Variants in FBXO31 observed in about 807,000 individuals in gnomAD.
FBXO31 encodes F-box protein 31.
Under a neutral mutation model 54.4 loss-of-function variants are expected in FBXO31, and 24 were observed. That is an observed-to-expected ratio of 0.44 (90% CI 0.32 to 0.62). The LOEUF (loss-of-function observed/expected upper bound fraction) is 0.62. Ranked by LOEUF, FBXO31 falls within the 20% of genes least tolerant of loss-of-function variation. The probability of loss-of-function intolerance (pLI) is 0.05; values close to 1 mark genes in which losing one functional copy is unlikely to be tolerated. For synonymous variants in FBXO31, 388 were observed against 335.6 expected (o/e 1.16, Z -1.71); for missense variants, 665 against 787.1 (o/e 0.84, Z 1.86).
At chr16:87,377,220 G>A (rs34704026) in intron 1 of FBXO31, among the ~76,000 whole-genome samples, 15,599 of 152,234 alleles carry the variant, frequency 0.1, 1,269 homozygotes, top group South Asian at 0.34. Context: ...CGAGGCGGGC[G>A]GACCACTTGA....
chr16:87,348,263 G>C (rs1044009094), intron 2 of FBXO31, among the ~76,000 whole-genome samples: 1 of 152,148 alleles, frequency 6.6e-6, no homozygotes, highest in African/African-American at 2.4e-5. Flanking sequence ...CAGCCTCCCA[G>C]GTCAGCCCAG....
At chr16:87,363,475 G>A (rs764204110) in intron 1 of FBXO31, among the ~76,000 whole-genome samples, 2 of 152,172 alleles carry the variant, frequency 1.3e-5, no homozygotes, top group South Asian at 2.1e-4. Context: ...GGCATCTGAG[G>A]CTTGCCTGCC....
At position 87,346,298 on chromosome 16, in the gene FBXO31, C is replaced by A. The variant is rs531231291; in HGVS notation, c.489+876G>T. On this transcript the variant is annotated intron_variant, in intron 3 of 8. Coordinates refer to ENST00000311635, the MANE Select transcript of FBXO31 (RefSeq NM_024735.5). The surrounding 1 kb of genome is among the most constrained non-coding windows in gnomAD (Gnocchi z 4.2). ...GAGGAGACCAGGCCACGGCACCCAGCAAGTGCCCAGGCGCACAGTGAGGGG... is the reference window on the plus strand; with the variant it reads ...GAGGAGACCAGGCCACGGCACCCAGAAAGTGCCCAGGCGCACAGTGAGGGG... 2.6e-5 allele frequency among the ~76,000 whole-genome samples: 4 copies of A among 151,878 alleles called. No homozygotes were observed. In the South Asian group the frequency reaches 8.3e-4, roughly 32 times the overall value.
rs756439061 is a variant in FBXO31 at position 87,343,630 on chromosome 16, C to T, written c.625G>A (p.Gly209Ser). The stretch of plus-strand genomic sequence containing the variant: ...TGGCCGTGGTGGGGCCCTTTGTGGC[C>T]GTACATGCACTCCACTGTGGCAGCC... The part of the protein sequence containing the change: ...RKAATVECMY[G>S]HKGPHHGHIQ... The change falls in exon 4 of 9, where the codon GGC becomes AGC. Residue 209 changes from glycine to serine, a missense_variant. Physicochemically the swap from Gly to Ser is moderately conservative, Grantham distance 56. Coordinates refer to ENST00000311635, the MANE Select transcript of FBXO31 (RefSeq NM_024735.5). The T allele has an allele frequency of 1.2e-6, 2 of 1,612,832 alleles. No homozygotes were observed. Among genetic ancestry groups the T allele is most frequent in the Non-Finnish European group, 1.7e-6 (2 of 1,179,564 alleles).
intron 1 of FBXO31, among the ~76,000 whole-genome samples, chr16:87,375,278 G>A (rs1906775075): frequency 6.6e-6 from 1 of 152,152 alleles, no homozygotes; most frequent in African/African-American, 2.4e-5. Context: ...CTGCACTCCA[G>A]CCTGGGTGAC....
intron 2 of FBXO31, among the ~76,000 whole-genome samples, chr16:87,355,793 C>T (rs895714114): frequency 1.3e-5 from 2 of 152,174 alleles, no homozygotes; most frequent in South Asian, 4.1e-4. Context: ...CTACATGAAG[C>T]TTCCCTCCAC....
In FBXO31 at chr16:87,343,563, G is replaced by A. The variant is rs1327296250; in HGVS notation, c.657+35C>T. The A allele has an allele frequency of 3.8e-6, 6 of 1,564,658 alleles. No homozygotes were observed. The South Asian group carries it at 7.0e-5, about 18-fold the overall frequency. On this transcript the variant is annotated intron_variant, in intron 4 of 8. Coordinates refer to ENST00000311635, the MANE Select transcript of FBXO31 (RefSeq NM_024735.5). ...CTGGAGCCCACACAGGACAGCCCTGGGACAGTGAGGACCCAGCCCCGCCGC... is the reference window on the plus strand; with the variant it reads ...CTGGAGCCCACACAGGACAGCCCTGAGACAGTGAGGACCCAGCCCCGCCGC...
In FBXO31 at chr16:87,333,981, G is replaced by A. The variant is rs371979866; in HGVS notation, c.1302C>T (p.Ala434=). 265 of 1,612,794 alleles carry A rather than the reference G, an allele frequency of 1.6e-4. 3 individuals carry two copies. The highest frequency in any genetic ancestry group is 2.0e-4 in the Non-Finnish European group (232 of 1,179,822). ...GGEPGDAVAA[A]EQPAQCGQGQ... The stretch of plus-strand genomic sequence containing the variant: ...CCTGCCCACACTGGGCAGGCTGCTC[G>A]GCCGCAGCTACGGCATCCCCAGGCT... Residue 434 remains alanine (A), a synonymous_variant, in exon 8 of 9, where the codon GCC becomes GCT. Coordinates refer to ENST00000311635, the MANE Select transcript of FBXO31 (RefSeq NM_024735.5).
chr16:87,379,015 G>A lies in FBXO31; in HGVS notation c.340+4390C>T, dbSNP rs1207198848. ...TATAGACATAGATATAGATATATAT[G>A]TATCCAAAGATATGAGAGTTCACTG... On this transcript the variant is annotated intron_variant, in intron 1 of 8. Coordinates refer to ENST00000311635, the MANE Select transcript of FBXO31 (RefSeq NM_024735.5). 6.6e-5 allele frequency among the ~76,000 whole-genome samples: 10 copies of A among 151,710 alleles called. No individual in the cohort carries two copies. In the East Asian group the frequency reaches 1.5e-3, roughly 23 times the overall value.
chr16:87,383,698 C>T lies in FBXO31; in HGVS notation c.47G>A (p.Cys16Tyr), dbSNP rs1221687070. The change falls in exon 1 of 9, where the codon TGT becomes TAT. Residue 16 changes from cysteine to tyrosine, a missense_variant. This residue lies in a region of FBXO31 where 195 missense variants were observed against 174.8 expected (regional missense o/e 1.12). Transcript: ENST00000311635. This position sits in a 1 kb window ranked among gnomAD's most constrained non-coding sequence, Gnocchi z 4.9. ...RLCGVGPSRG[C>Y]RRRQQRRGPA... ...GCCCCGGCGCTGCTGGCGGCGCCGA[C>T]ATCCGCGCGACGGGCCCACGCCGCA... The T allele has an allele frequency of 7.9e-7, 1 of 1,268,944 alleles. No homozygotes were observed. The highest frequency in any genetic ancestry group is 9.9e-7 in the Non-Finnish European group (1 of 1,014,294). The allele number at this position is 1,268,944 out of a possible 1,614,324, so 78.6% of individuals were successfully genotyped here.
chr16:87,339,125 G>A (rs1007884760), intron 5 of FBXO31, among the ~76,000 whole-genome samples: 7 of 152,228 alleles, frequency 4.6e-5, no homozygotes, highest in Non-Finnish European at 1.0e-4. Context: ...TCTTGGGTAT[G>A]TCTTTATCAG....
intron 1 of FBXO31, among the ~76,000 whole-genome samples, chr16:87,380,801 A>T (rs753884265): frequency 1.3e-5 from 2 of 152,234 alleles, no homozygotes; most frequent in Non-Finnish European, 1.5e-5. Context: ...GAAGGGTCCT[A>T]TATCTGTCCC....
intron 1 of FBXO31, among the ~76,000 whole-genome samples, chr16:87,381,738 C>T (rs559207624): frequency 3.3e-5 from 5 of 152,172 alleles, no homozygotes; most frequent in Non-Finnish European, 7.3e-5. Flanking sequence ...GGAACTGCAC[C>T]CTACCAGCCA....
exon 1 of FBXO31, chr16:87,389,804 T>G (rs1597385404): frequency 6.6e-6 from 1 of 152,340 alleles, no homozygotes; most frequent in East Asian, 1.9e-4. Flanking sequence ...AACGCTGTCC[T>G]AGATCATGTG....
At chr16:87,344,194 G>T (rs1202709552) in intron 3 of FBXO31, among the ~76,000 whole-genome samples, 2 of 152,274 alleles carry the variant, frequency 1.3e-5, no homozygotes, top group African/African-American at 4.8e-5. Flanking sequence ...GTGTGGCAGT[G>T]ACACGGAGAT....
Position 87,365,001 on chromosome 16 carries a change from C to T in FBXO31, c.341-4635G>A, listed in dbSNP as rs549300174. Among the ~76,000 whole-genome samples, 11 of 34,916 alleles carry T rather than the reference C, an allele frequency of 3.2e-4. No homozygotes were observed. In the South Asian group the frequency reaches 0.018, roughly 57 times the overall value. 22.9% of individuals were successfully genotyped at this position (34,916 alleles called of 152,430 possible). A position where few individuals can be genotyped will look rare whatever the true frequency, so the allele number is the denominator to read the frequency against. ...CAGCCTGAGTGACAGAGCGAGACCC[C>T]GTCTCTTAAATATATATATATATAT... On this transcript the variant is annotated intron_variant, in intron 1 of 8. Coordinates refer to ENST00000311635, the MANE Select transcript of FBXO31 (RefSeq NM_024735.5).
rs533952099 is a variant in FBXO31, at chr16:87,335,662, C to T, written c.843-205G>A. Among the ~76,000 whole-genome samples, 31 of 152,308 alleles carry T rather than the reference C, an allele frequency of 2.0e-4. No homozygotes were observed. The highest frequency in any genetic ancestry group is 7.2e-4 in the African/African-American group (30 of 41,568). ...CACCCACCAGCACGCACGCTTCCAACAGGACTTCTGGGGTTAAGGGGGGCA... is the reference window on the plus strand; with the variant it reads ...CACCCACCAGCACGCACGCTTCCAATAGGACTTCTGGGGTTAAGGGGGGCA... On this transcript the variant is annotated intron_variant, in intron 6 of 8. Coordinates refer to ENST00000311635, the MANE Select transcript of FBXO31 (RefSeq NM_024735.5). This position sits in a 1 kb window ranked among gnomAD's most constrained non-coding sequence, Gnocchi z 5.7.
intron 1 of FBXO31, among the ~76,000 whole-genome samples, chr16:87,373,816 A>G (rs1906706195): frequency 6.6e-6 from 1 of 152,224 alleles, no homozygotes; most frequent in African/African-American, 2.4e-5. Context: ...ATCAAAAGAG[A>G]ACAGAAATAG....
In FBXO31 at chr16:87,335,280, C is replaced by T. The variant is rs927556922; in HGVS notation, c.996+24G>A. 2.5e-6 allele frequency: 4 copies of T among 1,611,626 alleles called. No individual in the cohort carries two copies. The highest frequency in any genetic ancestry group is 1.7e-5 in the Admixed American group (1 of 60,032). On this transcript the variant is annotated intron_variant, in intron 7 of 8. Transcript: ENST00000311635. This position sits in a 1 kb window ranked among gnomAD's most constrained non-coding sequence, Gnocchi z 5.7. ...TGGGCCAGGTGCCCCCAGAGCCCCA[C>T]CAACCAGGTCAGCCGCCACTCACCG...
Sources: allele counts gnomAD v4.1 joint callset (sites outside exome capture counted in the v4.1 genomes callset), GRCh38; gene constraint gnomAD v4.1.1; regional missense constraint gnomAD v4.1.1; non-coding constraint Gnocchi (gnomAD v3.1); transcripts MANE v1.5; gene names NCBI Gene and HGNC (gene_info 2026-07-23, HGNC 2026-07-21).